The following OVCH2 variants were observed in gnomAD, a reference collection of about 807,000 sequenced individuals.
OVCH2 encodes the protein ovochymase-2.
In OVCH2, 88 loss-of-function variants were observed where a neutral mutation model predicts 73.7. The ratio of observed to expected loss-of-function variants is 1.19; its 90% confidence interval spans 1.01 to 1.43. OVCH2 has a LOEUF of 1.43. OVCH2 is among the 40% of genes most tolerant of loss of function. The pLI is 0.00. For synonymous variants in OVCH2, 265 were observed against 234.5 expected, an observed-to-expected ratio of 1.13 and a Z score of -1.19; for missense variants, 706 against 674.5, an observed-to-expected ratio of 1.05 and a Z score of -0.52.
intron 6 of OVCH2, among the ~76,000 whole-genome samples, chr11:7,700,983 TA>T (rs1324306224): frequency 6.6e-6 from 1 of 152,198 alleles, no homozygotes; most frequent in Non-Finnish European, 1.5e-5. Flanking sequence ...CACTTCCTGC[TA>T]AAAACAGATT....
Position 7,702,044 on chromosome 11 carries a change from A to C in OVCH2, c.463+113T>G. The C allele has an allele frequency of 2.9e-6, 3 of 1,033,284 alleles. No individual in the cohort carries two copies. The South Asian group carries it at 4.6e-5, about 16-fold the overall frequency. 64.0% of individuals were successfully genotyped at this position (1,033,284 alleles called of 1,614,324 possible). On this transcript the variant is annotated intron_variant, in intron 4 of 15. Transcript: ENST00000533663. ...GTTTCAGGTAGGACTCTCCAGCCTA[A>C]ATTCCTATCTCAAAGTGCATGACCC...
chr11:7,689,755 T>C, intron 15 of OVCH2, 153 bp from the exon 16 acceptor site: 1 of 686,458 alleles, frequency 1.5e-6, no homozygotes, highest in Non-Finnish European at 2.7e-6. Context: ...TTTTAACTGA[T>C]TAACTCTGTA....
chr11:7,681,268 A>G, the OVCH2 span, among the ~76,000 whole-genome samples: 2,050 of 152,356 alleles, frequency 0.013, 44 homozygotes, highest in African/African-American at 0.047. Flanking sequence ...ATTTTAGACT[A>G]AAATATGTTA....
intron 11 of OVCH2, 114 bp downstream of exon 11, chr11:7,695,456 T>C: frequency 9.0e-7 from 1 of 1,108,546 alleles, no homozygotes; most frequent in Non-Finnish European, 1.3e-6. Context: ...CCCTCTCCCA[T>C]GTGGAGTCAG....
rs1352549688 is a variant in OVCH2, at chr11:7,704,614, C to G, written c.149G>C (p.Ser50Thr). The G allele has an allele frequency of 6.2e-7, 1 of 1,612,938 alleles. No homozygotes were observed. Among genetic ancestry groups the G allele is most frequent in the South Asian group, 1.1e-5 (1 of 90,860 alleles). The change falls in exon 2 of 16, where the codon AGT becomes ACT. Residue 50 changes from serine to threonine, a missense_variant. Ser to Thr is a moderately conservative substitution (Grantham distance 58). Coordinates refer to ENST00000533663, the MANE Select transcript of OVCH2 (RefSeq NM_198185.7). The stretch of plus-strand genomic sequence containing the variant: ...CACTTGGCTTCCTCCAAGAATGCGA[C>G]TGAAAATGTTAAAATAATTCCAAGG... ...VQPWNYFNIF[S>T]RILGGSQVEK... is the part of the protein sequence containing the mutation.
At chr11:7,689,126 G>A (rs1383267558), downstream of OVCH2, among the ~76,000 whole-genome samples, 1 of 152,158 alleles carries the variant, frequency 6.6e-6, no homozygotes, top group Non-Finnish European at 1.5e-5. Context: ...AAGAAATTTT[G>A]CAGCAGTAAT....
chr11:7,691,456 G>T, intron 13 of OVCH2, 56 bp from the exon 14 acceptor site: 1 of 1,543,528 alleles, frequency 6.5e-7, no homozygotes, highest in Non-Finnish European at 8.7e-7. Context: ...GATAGCCATG[G>T]CATTGGAGAG....
chr11:7,690,778 T>C (rs530121263), intron 14 of OVCH2, among the ~76,000 whole-genome samples: 1 of 152,264 alleles, frequency 6.6e-6, no homozygotes, highest in African/African-American at 2.4e-5. Flanking sequence ...AGTGGCACTT[T>C]TTTTTCATTT....
chr11:7,682,817 C>A, the OVCH2 span, among the ~76,000 whole-genome samples: 63,816 of 152,006 alleles, frequency 0.42, 16,507 homozygotes, highest in African/African-American at 0.73. Flanking sequence ...GTGCTAACAC[C>A]CTTCCACATT....
the OVCH2 span, among the ~76,000 whole-genome samples, chr11:7,682,511 TTTGA>T: frequency 1.6e-4 from 24 of 152,232 alleles, no homozygotes; most frequent in African/African-American, 5.8e-4. Flanking sequence ...CAGCCTGCAG[TTTGA>T]TTAAGAGCCA....
intron 12 of OVCH2, among the ~76,000 whole-genome samples, chr11:7,693,618 A>G (rs866342753): frequency 6.6e-6 from 1 of 152,188 alleles, no homozygotes; most frequent in African/African-American, 2.4e-5. Flanking sequence ...CACAACCTAA[A>G]TTTTATCCTC....
rs1856532060 is a variant in OVCH2 at position 7,706,400 on chromosome 11, G to A, written c.-6C>T. The A allele has an allele frequency of 2.6e-6, 4 of 1,562,830 alleles. No homozygotes were observed. Among genetic ancestry groups the A allele is most frequent in the Non-Finnish European group, 3.5e-6 (4 of 1,152,344 alleles). On this transcript the variant is annotated 5_prime_UTR_variant, in exon 1 of 16. Coordinates refer to ENST00000533663, the MANE Select transcript of OVCH2 (RefSeq NM_198185.7). ...TTGTTCCTGCTTATAAGCATTTTGA[G>A]ACTCATAGTTTTTCCCTGAAATTTT...
intron 8 of OVCH2, among the ~76,000 whole-genome samples, chr11:7,697,671 C>T (rs1178729412): frequency 6.6e-6 from 1 of 152,296 alleles, no homozygotes; most frequent in Admixed American, 6.5e-5. Flanking sequence ...CCTCCTTCTT[C>T]GTTACAACCT....
chr11:7,681,853 CAAAAAAAAA>C, the OVCH2 span, among the ~76,000 whole-genome samples: 3 of 93,008 alleles, frequency 3.2e-5, no homozygotes, highest in African/African-American at 1.0e-4. Context: ...GGGAAATGTC[CAAAAAAAAA>C]AAAAAAAAAA....
chr11:7,694,180 T>C (rs1856275986), intron 12 of OVCH2, among the ~76,000 whole-genome samples: 1 of 152,192 alleles, frequency 6.6e-6, no homozygotes, highest in South Asian at 2.1e-4. Context: ...AAAAGAAAGA[T>C]CTATGAGAAA....
At chr11:7,705,693 A>T (rs1278797337) in intron 1 of OVCH2, 1 of 152,266 alleles carries the variant, frequency 6.6e-6, no homozygotes, top group Non-Finnish European at 1.5e-5. Flanking sequence ...CCAGGATGAC[A>T]TTGGAACAAA....
Position 7,703,801 on chromosome 11 carries a change from A to T in OVCH2, c.199-12T>A, listed in dbSNP as rs1209706745. The T allele has an allele frequency of 6.3e-7, 1 of 1,591,460 alleles. No homozygotes were observed. The highest frequency in any genetic ancestry group is 8.6e-7 in the Non-Finnish European group (1 of 1,167,748). ...TGTTTCAGAGATACCTAAATTGCAA[A>T]TACCTTAAATGAAAGCAAGTTCATG... On this transcript the variant is annotated splice_polypyrimidine_tract_variant and intron_variant, in intron 2 of 15. Transcript: ENST00000533663.
intron 3 of OVCH2, 71 bp from the exon 4 acceptor site, chr11:7,702,400 C>T: frequency 2.5e-6 from 3 of 1,195,198 alleles, no homozygotes; most frequent in African/African-American, 1.6e-5. Flanking sequence ...GGTTGACACA[C>T]TAGCTTCTTT....
In OVCH2 at chr11:7,698,745, C is replaced by G. The variant is rs370844182; in HGVS notation, c.925+5G>C. 1 of 1,611,906 alleles carries G rather than the reference C, an allele frequency of 6.2e-7. No individual in the cohort carries two copies. Among genetic ancestry groups the G allele is most frequent in the African/African-American group, 1.3e-5 (1 of 74,856 alleles). ...CTGATGGAGCAGCCTGCAAGGGATA[C>G]CCACCTCTGGAGCTCTTTCTCCGAT... is the stretch of plus-strand genomic sequence containing the variant. On this transcript the variant is annotated splice_donor_5th_base_variant and intron_variant, in intron 8 of 15. Coordinates refer to ENST00000533663, the MANE Select transcript of OVCH2 (RefSeq NM_198185.7).
Sources: gnomAD v4.1 joint callset for allele counts (sites outside exome capture counted in the v4.1 genomes callset) on GRCh38, gnomAD v4.1.1 for gene constraint, MANE v1.5 for transcripts, NCBI Gene and HGNC (gene_info 2026-07-23, HGNC 2026-07-21) for gene names.